Variants in DNAAF11 observed in about 807,000 individuals in gnomAD.
DNAAF11 encodes the protein dynein axonemal assembly factor 11, also known as leucine rich repeat containing 6.
DNAAF11 carries 45 observed loss-of-function variants against 60.8 expected under a neutral mutation model. The ratio of observed to expected loss-of-function variants is 0.74; its 90% confidence interval spans 0.58 to 0.95. The LOEUF is 0.95. DNAAF11 is among the 40% of genes least tolerant of loss of function. The pLI is 0.00. For missense variants in DNAAF11, 546 were observed against 546.2 expected (o/e 1.00, Z 0.00); for synonymous variants, 191 against 183.5 (o/e 1.04, Z -0.33).
At position 132,610,287 on chromosome 8, in the gene DNAAF11, CATT is replaced by C. The variant is rs548857674; in HGVS notation, c.1045-29_1045-27del. ...CTGAAAATAAGTAGAAAGAAAGTAT[CATT>C]GAGAGCAAGGACGTTACATGAGAGG... On this transcript the variant is annotated intron_variant, in intron 9 of 11. Transcript: ENST00000620350. 107 of 1,499,774 alleles carry C rather than the reference CATT, an allele frequency of 7.1e-5. 1 individual carries two copies. In the South Asian group the frequency reaches 1.1e-3, roughly 16 times the overall value. The allele number at this position is 1,499,774 out of a possible 1,614,324, so 92.9% of individuals were successfully genotyped here. A position where few individuals can be genotyped will look rare whatever the true frequency, so the allele number is the denominator to read the frequency against.
At chr8:132,673,920 T>G (rs559047999) in intron 1 of DNAAF11, among the ~76,000 whole-genome samples, 12 of 152,044 alleles carry the variant, frequency 7.9e-5, no homozygotes, top group Admixed American at 3.3e-4. Flanking sequence ...GTCTGACAAG[T>G]TAATGATTTA....
At chr8:132,661,018 C>A (rs145546660) in intron 2 of DNAAF11, among the ~76,000 whole-genome samples, 1 of 152,266 alleles carries the variant, frequency 6.6e-6, no homozygotes, top group Non-Finnish European at 1.5e-5. Flanking sequence ...CAATACTGAG[C>A]CCAATGCCTT....
chr8:132,677,882 G>A (rs1261411202), upstream of DNAAF11, among the ~76,000 whole-genome samples: 1 of 152,142 alleles, frequency 6.6e-6, no homozygotes, highest in African/African-American at 2.4e-5. Flanking sequence ...GTGAAAAGGG[G>A]TGAACTCCAT....
intron 10 of DNAAF11, among the ~76,000 whole-genome samples, chr8:132,585,670 T>G (rs1204606606): frequency 1.3e-5 from 2 of 152,178 alleles, no homozygotes; most frequent in African/African-American, 4.8e-5. Flanking sequence ...AATTGGCAAC[T>G]AAAGCTACCA....
intron 1 of DNAAF11, among the ~76,000 whole-genome samples, chr8:132,674,112 CAGGAGG>C (rs1289910379): frequency 0.043 from 2,009 of 46,694 alleles, 50 homozygotes; most frequent in Non-Finnish European, 0.057. Context: ...GGAGGAGGAG[CAGGAGG>C]AGGAGGAGGA....
intron 5 of DNAAF11, among the ~76,000 whole-genome samples, chr8:132,627,859 G>A (rs879186939): frequency 6.6e-6 from 1 of 152,032 alleles, no homozygotes; most frequent in Non-Finnish European, 1.5e-5. Flanking sequence ...TGCTACCCTC[G>A]CTGGGACCAA....
the DNAAF11 span, among the ~76,000 whole-genome samples, chr8:132,684,403 G>C: frequency 6.6e-6 from 1 of 152,310 alleles, no homozygotes; most frequent in Non-Finnish European, 1.5e-5. Context: ...TCATTGTCCA[G>C]ACTTTTTACT....
chr8:132,635,895 C>T (rs1395217004), intron 4 of DNAAF11, among the ~76,000 whole-genome samples: 1 of 152,084 alleles, frequency 6.6e-6, no homozygotes, highest in East Asian at 1.9e-4. Context: ...AATGTGTCTA[C>T]AAGCTCAAGA....
intron 10 of DNAAF11, among the ~76,000 whole-genome samples, chr8:132,598,663 C>A (rs56358909): frequency 0.07 from 10,716 of 152,168 alleles, 1,013 homozygotes; most frequent in African/African-American, 0.22. Flanking sequence ...ATAAATCCTG[C>A]AGTTAGCCAT....
chr8:132,612,338 A>G (rs1818749396), intron 8 of DNAAF11, among the ~76,000 whole-genome samples: 1 of 152,130 alleles, frequency 6.6e-6, no homozygotes, highest in African/African-American at 2.4e-5. Flanking sequence ...GGTTTTCTAC[A>G]GCTTCACATG....
At chr8:132,700,154 T>A in the DNAAF11 span, among the ~76,000 whole-genome samples, 1 of 152,186 alleles carries the variant, frequency 6.6e-6, no homozygotes, top group African/African-American at 2.4e-5. Flanking sequence ...AAAAAGAGCA[T>A]ATTAGATATA....
chr8:132,643,015 C>A (rs151147976), intron 3 of DNAAF11, among the ~76,000 whole-genome samples: 1 of 152,296 alleles, frequency 6.6e-6, no homozygotes, highest in African/African-American at 2.4e-5. Context: ...AGTTCTCATA[C>A]GAGCACGCAA....
intron 3 of DNAAF11, among the ~76,000 whole-genome samples, chr8:132,656,011 A>C (rs1823528617): frequency 6.6e-6 from 1 of 152,204 alleles, no homozygotes; most frequent in Non-Finnish European, 1.5e-5. Context: ...TCTGTCCTAG[A>C]AAAAACTGTG....
chr8:132,674,154 G>C (rs1168047049), intron 1 of DNAAF11, among the ~76,000 whole-genome samples: 4 of 126,292 alleles, frequency 3.2e-5, no homozygotes, highest in African/African-American at 1.1e-4. Flanking sequence ...GGAAGAGGAG[G>C]AGGAGAAGGA....
chr8:132,622,572 C>T lies in DNAAF11; in HGVS notation c.914+39G>A, dbSNP rs759895189. The T allele has an allele frequency of 8.2e-6, 12 of 1,468,912 alleles. No individual in the cohort carries two copies. The South Asian group carries it at 1.3e-4, about 16-fold the overall frequency. The allele number at this position is 1,468,912 out of a possible 1,614,324, so 91.0% of individuals were successfully genotyped here. ...ATGATTGACCAACACCATTGACTGA[C>T]ACTTTTGGGTCTTTAACGCTCTATT... On this transcript the variant is annotated intron_variant, in intron 7 of 11. Coordinates refer to ENST00000620350, the MANE Select transcript of DNAAF11 (RefSeq NM_012472.6).
rs150609347 is a variant in DNAAF11, at chr8:132,641,887, C to T, written c.257-3780G>A. Among the ~76,000 whole-genome samples the T allele has an allele frequency of 9.2e-5, 14 of 152,146 alleles. 1 individual carries two copies. Among genetic ancestry groups the T allele is most frequent in the Admixed American group, 6.5e-4 (10 of 15,270 alleles). ...ACATTTAAAATGATGGTTATGAAAA[C>T]GATCACAGCATGGAGGAGGAGAGCT... On this transcript the variant is annotated intron_variant, in intron 3 of 11. Coordinates refer to ENST00000620350, the MANE Select transcript of DNAAF11 (RefSeq NM_012472.6).
intron 3 of DNAAF11, among the ~76,000 whole-genome samples, chr8:132,641,083 G>T (rs887179996): frequency 1.3e-5 from 2 of 152,014 alleles, no homozygotes; most frequent in Admixed American, 6.6e-5. Flanking sequence ...TCTTAAAGTA[G>T]AATGTCATCT....
At chr8:132,677,749 G>A (rs1179450449), upstream of DNAAF11, among the ~76,000 whole-genome samples, 2 of 152,068 alleles carry the variant, frequency 1.3e-5, no homozygotes, top group Non-Finnish European at 2.9e-5. Context: ...TAAAAAAATC[G>A]GGGTGCTGGT....
At position 132,654,264 on chromosome 8, in the gene DNAAF11, C is replaced by T. The variant is rs113183987; in HGVS notation, c.256+2566G>A. 3.7e-3 allele frequency among the ~76,000 whole-genome samples: 556 copies of T among 151,938 alleles called. 3 individuals carry two copies. The highest frequency in any genetic ancestry group is 0.013 in the African/African-American group (523 of 41,482). On this transcript the variant is annotated intron_variant, in intron 3 of 11. Coordinates refer to ENST00000620350, the MANE Select transcript of DNAAF11 (RefSeq NM_012472.6). ...ATATATGCACCTAAGAGCAGAGTCC[C>T]AAAATATCTAAAGCAAAAACTGACA...
Sources: allele counts gnomAD v4.1 joint callset (sites outside exome capture counted in the v4.1 genomes callset), GRCh38; gene constraint gnomAD v4.1.1; transcripts MANE v1.5; gene names NCBI Gene and HGNC (gene_info 2026-07-23, HGNC 2026-07-21).